Variants in RBM48 observed in about 807,000 individuals in gnomAD.
RBM48 encodes the protein RNA binding motif protein 48.
RBM48 carries 32 observed loss-of-function variants against 34.8 expected under a neutral mutation model. The ratio of observed to expected loss-of-function variants is 0.92; its 90% CI spans 0.69 to 1.23. The LOEUF is 1.23. Among genes scored for constraint, RBM48 ranks in the 50% most tolerant of loss-of-function variants. The pLI, the probability that RBM48 is intolerant of heterozygous loss-of-function variation, is 0.00. For missense variants in RBM48, 441 were observed against 447.2 expected, an observed-to-expected ratio of 0.99 and a Z score of 0.12; for synonymous variants, 151 against 156.2, an observed-to-expected ratio of 0.97 and a Z score of 0.25.
chr7:92,528,845 T>C lies in RBM48; in HGVS notation c.32T>C (p.Leu11Ser). Residue 11 changes from leucine to serine, a missense_variant, in exon 1 of 5, where the codon TTA becomes TCA. Physicochemically the swap from Leu to Ser is moderately radical, Grantham distance 145. Coordinates refer to ENST00000265732, the MANE Select transcript of RBM48 (RefSeq NM_032120.4). MASSGGELGS[L>S]FDHHVQRAVC... The stretch of plus-strand genomic sequence containing the variant: ...TCGAGCGGCGGGGAGCTAGGGAGTT[T>C]ATTTGATCACCACGTCCAGAGGGCG... 6.2e-7 allele frequency: 1 copy of C among 1,614,112 alleles called. No homozygotes were observed. Among genetic ancestry groups the C allele is most frequent in the Non-Finnish European group, 8.5e-7 (1 of 1,180,006 alleles).
intron 2 of RBM48, among the ~76,000 whole-genome samples, chr7:92,530,583 C>T (rs1046469644): frequency 2.6e-5 from 4 of 151,962 alleles, no homozygotes; most frequent in Non-Finnish European, 4.4e-5. Flanking sequence ...AGGTGGATCA[C>T]CTGAGGTCAG....
rs201640795 is a variant in RBM48 at position 92,528,956 on chromosome 7, C to T, written c.111+32C>T. The T allele has an allele frequency of 1.5e-5, 22 of 1,509,394 alleles. No individual in the cohort carries two copies. The South Asian group carries it at 1.7e-4, about 12-fold the overall frequency. The allele number at this position is 1,509,394 out of a possible 1,614,324, so 93.5% of individuals were successfully genotyped here. On this transcript the variant is annotated intron_variant, in intron 1 of 4. Coordinates refer to ENST00000265732, the MANE Select transcript of RBM48 (RefSeq NM_032120.4). Reference sequence around the variant, plus strand: ...TGATTTTGGTTTCATTCGCTCTCCTCGGTAGCTTTATGTGAGTGCTAGCGC... The same window carrying T: ...TGATTTTGGTTTCATTCGCTCTCCTTGGTAGCTTTATGTGAGTGCTAGCGC...
At chr7:92,536,582 A>G in intron 4 of RBM48, 8 of 1,070,164 alleles carry the variant, frequency 7.5e-6, no homozygotes, top group Non-Finnish European at 9.0e-6. Context: ...TCTATAAAGG[A>G]ATGTTAAAGT....
At position 92,534,912 on chromosome 7, in the gene RBM48, A is replaced by G. The variant is rs1388498845; in HGVS notation, c.959A>G (p.Asp320Gly). 4 of 1,614,190 alleles carry G rather than the reference A, an allele frequency of 2.5e-6. No homozygotes were observed. Among genetic ancestry groups the G allele is most frequent in the Non-Finnish European group, 3.4e-6 (4 of 1,180,000 alleles). Residue 320 changes from aspartate (D) to glycine (G), a missense_variant, in exon 4 of 5, where the codon GAT becomes GGT. Asp to Gly is a moderately conservative substitution (Grantham distance 94, BLOSUM62 -1). Transcript: ENST00000265732. ...GPLLPDISKV[D>G]MHDDSLNTTA... is the part of the protein sequence containing the mutation. ...CTGTTACCAGACATCTCTAAAGTGG[A>G]TATGCACGATGACTCATTGAATACA...
chr7:92,531,551 G>T (rs1262497591), intron 2 of RBM48, among the ~76,000 whole-genome samples: 1 of 152,186 alleles, frequency 6.6e-6, no homozygotes, highest in Non-Finnish European at 1.5e-5. Context: ...GTCTTGTGTG[G>T]TTTTCTCAGG....
chr7:92,529,090 C>G, intron 1 of RBM48, 166 bp downstream of exon 1: 1 of 654,376 alleles, frequency 1.5e-6, no homozygotes, highest in Non-Finnish European at 2.7e-6. Flanking sequence ...ATTCTCACGA[C>G]GCCTTTGGTC....
In RBM48 at chr7:92,529,588, A is replaced by G; in HGVS notation, c.224A>G (p.Tyr75Cys). ...RFALYGAIEQ[Y>C]NALDEYPAED... ...GCTTTATATGGTGCAATTGAACAGT[A>G]CAATGCTCTAGATGAATACCCAGCA... Residue 75 changes from tyrosine (Y) to cysteine (C), a missense_variant, in exon 2 of 5, where the codon TAC (tyrosine) becomes TGC (cysteine). Transcript: ENST00000265732. 1 of 1,611,062 alleles carries G rather than the reference A, an allele frequency of 6.2e-7. No homozygotes were observed. Among genetic ancestry groups the G allele is most frequent in the East Asian group, 2.2e-5 (1 of 44,852 alleles).
chr7:92,539,096 A>T lies in RBM48; in HGVS notation c.*2159A>T, dbSNP rs529525680. Among the ~76,000 whole-genome samples the T allele has an allele frequency of 5.9e-5, 9 of 152,358 alleles. No homozygotes were observed. The highest frequency in any genetic ancestry group is 5.9e-4 in the Admixed American group (9 of 15,306). ...TAGGTGCTGCCAGTGCTGCTGGTGC[A>T]CAGACCATCTTTGAATAGCAAGGCT... On this transcript the variant is annotated 3_prime_UTR_variant, in exon 5 of 5. Coordinates refer to ENST00000265732, the MANE Select transcript of RBM48 (RefSeq NM_032120.4).
rs1419474155 is a variant in RBM48, at chr7:92,538,971, G to T, written c.*2034G>T. On this transcript the variant is annotated 3_prime_UTR_variant, in exon 5 of 5. Transcript: ENST00000265732. ...ACATAATTCATCATGAGGAGAGACA[G>T]AAAGAAACCTTTGTGGTGTCAAGCA... 6.6e-6 allele frequency among the ~76,000 whole-genome samples: 1 copy of T among 152,184 alleles called. No homozygotes were observed. The highest frequency in any genetic ancestry group is 1.5e-5 in the Non-Finnish European group (1 of 68,020).
intron 2 of RBM48, 116 bp downstream of exon 2, chr7:92,529,782 A>T (rs994195581): frequency 1.6e-6 from 1 of 608,008 alleles, no homozygotes; most frequent in African/African-American, 1.9e-5. Flanking sequence ...GTAATCTAGC[A>T]TATCTTCCTC....
chr7:92,529,727 T>TGGG (rs1793501011), intron 2 of RBM48, 61 bp downstream of exon 2: 2 of 1,146,654 alleles, frequency 1.7e-6, no homozygotes, highest in Non-Finnish European at 2.5e-6. Flanking sequence ...TTTCTGTCAT[T>TGGG]TTGGCCCCAA....
At position 92,538,440 on chromosome 7, in the gene RBM48, A is replaced by C. The variant is rs1156649825; in HGVS notation, c.*1503A>C. ...TTTTACTCCCTCCTCCTCTTCAGAG[A>C]TGGGAGACAGGAAGAGAAATGGCCT... On this transcript the variant is annotated 3_prime_UTR_variant, in exon 5 of 5. Coordinates refer to ENST00000265732, the MANE Select transcript of RBM48 (RefSeq NM_032120.4). 1.3e-5 allele frequency among the ~76,000 whole-genome samples: 2 copies of C among 152,010 alleles called. No individual in the cohort carries two copies. The highest frequency in any genetic ancestry group is 2.9e-5 in the Non-Finnish European group (2 of 68,010).
chr7:92,533,099 G>A (rs1448538904), intron 3 of RBM48, among the ~76,000 whole-genome samples: 1 of 152,106 alleles, frequency 6.6e-6, no homozygotes, highest in Non-Finnish European at 1.5e-5. Flanking sequence ...ACCAGCAATT[G>A]GCTAAATGCC....
At chr7:92,531,441 C>A (rs1423008424) in intron 2 of RBM48, among the ~76,000 whole-genome samples, 1 of 152,208 alleles carries the variant, frequency 6.6e-6, no homozygotes, top group Non-Finnish European at 1.5e-5. Context: ...CACTAATCTG[C>A]TCTGAGACCC....
At chr7:92,535,304 C>A in intron 4 of RBM48, 1 of 1,198,400 alleles carries the variant, frequency 8.3e-7, no homozygotes, top group African/African-American at 1.6e-5. Flanking sequence ...TAATATGAGC[C>A]AAAGTTGAGA....
chr7:92,530,366 G>A (rs1389531479), intron 2 of RBM48, among the ~76,000 whole-genome samples: 2 of 150,778 alleles, frequency 1.3e-5, no homozygotes, highest in African/African-American at 2.4e-5. Context: ...GTGGTGGTGC[G>A]GACCTGTAGT....
intron 3 of RBM48, among the ~76,000 whole-genome samples, chr7:92,533,523 C>A (rs556978480): frequency 2.6e-5 from 4 of 152,310 alleles, no homozygotes; most frequent in African/African-American, 9.6e-5. Flanking sequence ...GGATTATCTT[C>A]ATTATTTGCT....
rs115222091 is a variant in RBM48 at position 92,539,053 on chromosome 7, G to A, written c.*2116G>A. 7.3e-3 allele frequency among the ~76,000 whole-genome samples: 1,114 copies of A among 152,288 alleles called. 15 individuals are homozygous for A. The highest frequency in any genetic ancestry group is 0.025 in the African/African-American group (1,058 of 41,548). Reference sequence around the variant, plus strand: ...TGGTTTGGGTGGGGCCTGAGATTCTGCATTTTTCCCAAGTCCCTAGGTGCT... The same window carrying A: ...TGGTTTGGGTGGGGCCTGAGATTCTACATTTTTCCCAAGTCCCTAGGTGCT... On this transcript the variant is annotated 3_prime_UTR_variant, in exon 5 of 5. Coordinates refer to ENST00000265732, the MANE Select transcript of RBM48 (RefSeq NM_032120.4).
Position 92,538,215 on chromosome 7 carries a change from C to G in RBM48, c.*1278C>G, listed in dbSNP as rs1413415391. Among the ~76,000 whole-genome samples the G allele has an allele frequency of 2.0e-5, 3 of 152,098 alleles. No homozygotes were observed. The highest frequency in any genetic ancestry group is 4.8e-5 in the African/African-American group (2 of 41,396). On this transcript the variant is annotated 3_prime_UTR_variant, in exon 5 of 5. Transcript: ENST00000265732. ...GTCGGCAGACTTGTGTCTCAAGAACCGTGCTCCCTGAAGAAAAAGTTCCTG... is the reference window on the plus strand; with the variant it reads ...GTCGGCAGACTTGTGTCTCAAGAACGGTGCTCCCTGAAGAAAAAGTTCCTG...
Sources: gnomAD v4.1 joint callset for allele counts (sites outside exome capture counted in the v4.1 genomes callset) on GRCh38, gnomAD v4.1.1 for gene constraint, MANE v1.5 for transcripts, NCBI Gene and HGNC (gene_info 2026-07-23, HGNC 2026-07-21) for gene names.